The following WDR46 variants were observed in gnomAD, a reference collection of about 807,000 sequenced individuals.
The protein encoded by WDR46 is WD repeat-containing protein 46.
A neutral mutation model predicts 74.7 loss-of-function variants in WDR46; 58 were observed. The ratio of observed to expected loss-of-function variants is 0.78; its 90% CI spans 0.63 to 0.97. The LOEUF (loss-of-function observed/expected upper bound fraction) is 0.97, where lower values mean the gene tolerates loss of function less well. Ranked by LOEUF, WDR46 falls within the 50% of genes least tolerant of loss-of-function variation. The pLI is 0.00. For missense variants in WDR46, 702 were observed against 790.1 expected, an observed-to-expected ratio of 0.89 and a Z score of 1.34; for synonymous variants, 278 against 297.3, an observed-to-expected ratio of 0.93 and a Z score of 0.67.
intron 10 of WDR46, 81 bp from the exon 11 acceptor site, chr6:33,281,068 C>G (rs1001311651): frequency 2.8e-6 from 4 of 1,443,738 alleles, no homozygotes. Context: ...GGCATCAAGT[C>G]TGGCTGGGGA....
chr6:33,287,540 GAGGTCAC>G, intron 7 of WDR46, 35 bp from the exon 8 acceptor site: 1 of 1,613,718 alleles, frequency 6.2e-7, no homozygotes, highest in Non-Finnish European at 8.5e-7. Context: ...ATTGGGAAAT[GAGGTCAC>G]AGGCTATCAT....
rs1766748974 is a variant in WDR46 at position 33,287,345 on chromosome 6, G to A, written c.879+10C>T. On this transcript the variant is annotated intron_variant, in intron 8 of 14. Transcript: ENST00000374617. Reference sequence around the variant, plus strand: ...CTTCCAACCAGTTCCTGAGCTCCATGGCCACTCACAGCTGTAGCCAGGAGG... The same window carrying A: ...CTTCCAACCAGTTCCTGAGCTCCATAGCCACTCACAGCTGTAGCCAGGAGG... 6.2e-7 allele frequency: 1 copy of A among 1,612,800 alleles called. No individual in the cohort carries two copies.
intron 10 of WDR46, among the ~76,000 whole-genome samples, chr6:33,282,299 A>G (rs568660163): frequency 6.6e-6 from 1 of 152,276 alleles, no homozygotes; most frequent in South Asian, 2.1e-4. Flanking sequence ...GACCAGCTGG[A>G]TACTTCCGAC....
chr6:33,288,441 G>A lies in WDR46; in HGVS notation c.390C>T (p.Ser130=), dbSNP rs377145811. The A allele has an allele frequency of 1.2e-6, 2 of 1,614,124 alleles. No individual in the cohort carries two copies. The highest frequency in any genetic ancestry group is 8.5e-7 in the Non-Finnish European group (1 of 1,180,048). Residue 130 remains serine, a synonymous_variant, in exon 4 of 15, where the codon AGC becomes AGT. Coordinates refer to ENST00000374617, the MANE Select transcript of WDR46 (RefSeq NM_005452.6). ...CCTCAGCTTCAGCCACCTCAAGTCG[G>A]CTTCGAGTTTTGGCTTTAGAATGTG... ...KLPHSKAKTR[S]RLEVAEAEEE... is the part of the protein sequence containing the mutation.
chr6:33,286,489 A>G (rs923063547), intron 10 of WDR46, among the ~76,000 whole-genome samples: 1 of 152,190 alleles, frequency 6.6e-6, no homozygotes, highest in African/African-American at 2.4e-5. Context: ...TGGTATTTAA[A>G]TGCCTACATG....
rs552102895 is a variant in WDR46, at chr6:33,287,819, G to C, written c.624-101C>G. On this transcript the variant is annotated intron_variant, in intron 6 of 14. Transcript: ENST00000374617. ...CCAGCCCCATCTCTCCAGGCGGGCA[G>C]ACACATGTTGCTGTAGGTGCTTACC... 9.2e-6 allele frequency: 14 copies of C among 1,523,440 alleles called. No individual in the cohort carries two copies. The Admixed American group carries it at 1.0e-4, about 11-fold the overall frequency. The allele number at this position is 1,523,440 out of a possible 1,614,324, so 94.4% of individuals were successfully genotyped here. A position where few individuals can be genotyped will look rare whatever the true frequency, so the allele number is the denominator to read the frequency against.
In WDR46 at chr6:33,280,375, G is replaced by C. The variant is rs564841610; in HGVS notation, c.1524+53C>G. ...CACCCTCTCCAGGACGGGGGAACCTGACCCTCTCCAGCAATGGGGGGGATC... is the reference window on the plus strand; with the variant it reads ...CACCCTCTCCAGGACGGGGGAACCTCACCCTCTCCAGCAATGGGGGGGATC... On this transcript the variant is annotated intron_variant, in intron 12 of 14. Transcript: ENST00000374617. The C allele has an allele frequency of 9.1e-6, 14 of 1,535,620 alleles. No homozygotes were observed. The African/African-American group carries it at 1.8e-4, about 20-fold the overall frequency.
Position 33,279,223 on chromosome 6 carries a change from C to T in WDR46, c.*53G>A. ...TCCTTGTTCCAGGGAACACTCATTTCCCTACAGGTGATCTTGGGGAGAGAC... is the reference window on the plus strand; with the variant it reads ...TCCTTGTTCCAGGGAACACTCATTTTCCTACAGGTGATCTTGGGGAGAGAC... On this transcript the variant is annotated 3_prime_UTR_variant, in exon 15 of 15. Coordinates refer to ENST00000374617, the MANE Select transcript of WDR46 (RefSeq NM_005452.6). The T allele has an allele frequency of 6.2e-7, 1 of 1,608,922 alleles. No individual in the cohort carries two copies.
At position 33,279,239 on chromosome 6, in the gene WDR46, G is replaced by A. The variant is rs993295518; in HGVS notation, c.*37C>T. 10 of 1,612,514 alleles carry A rather than the reference G, an allele frequency of 6.2e-6. No individual in the cohort carries two copies. Among genetic ancestry groups the A allele is most frequent in the Non-Finnish European group, 7.6e-6 (9 of 1,179,094 alleles). ...CACTCATTTCCCTACAGGTGATCTT[G>A]GGGAGAGACTGTTCCCAGGCAACCC... On this transcript the variant is annotated 3_prime_UTR_variant, in exon 15 of 15. Coordinates refer to ENST00000374617, the MANE Select transcript of WDR46 (RefSeq NM_005452.6).
Position 33,288,651 on chromosome 6 carries a change from A to T in WDR46, c.323T>A (p.Val108Glu), listed in dbSNP as rs776920543. 8.7e-6 allele frequency: 14 copies of T among 1,605,460 alleles called. No individual in the cohort carries two copies. Among genetic ancestry groups the T allele is most frequent in the Non-Finnish European group, 1.2e-5 (14 of 1,175,046 alleles). The change falls in exon 3 of 15, where the codon GTG (valine) becomes GAG (glutamate). Residue 108 changes from valine to glutamate, a missense_variant. Val to Glu is a moderately radical substitution (Grantham distance 121). Transcript: ENST00000374617. ...GTCAATGCGACAGAACTTCTGGACC[A>T]CTTCCACAGGGACGGGGGCGGGGCC... ...FPGPAPVPVE[V>E]VQKFCRIDKS... is the part of the protein sequence containing the mutation.
Position 33,288,653 on chromosome 6 carries a change from T to C in WDR46, c.321A>G (p.Glu107=). Residue 107 remains glutamate (E), a synonymous_variant, in exon 3 of 15, where the codon GAA becomes GAG. Coordinates refer to ENST00000374617, the MANE Select transcript of WDR46 (RefSeq NM_005452.6). ...PFPGPAPVPV[E]VVQKFCRIDK... Reference sequence around the variant, plus strand: ...CAATGCGACAGAACTTCTGGACCACTTCCACAGGGACGGGGGCGGGGCCTG... The same window carrying C: ...CAATGCGACAGAACTTCTGGACCACCTCCACAGGGACGGGGGCGGGGCCTG... The C allele has an allele frequency of 6.2e-7, 1 of 1,600,534 alleles. No individual in the cohort carries two copies. The highest frequency in any genetic ancestry group is 8.5e-7 in the Non-Finnish European group (1 of 1,170,946).
At chr6:33,284,330 A>G (rs551671873) in intron 10 of WDR46, 1 of 153,834 alleles carries the variant, frequency 6.5e-6, no homozygotes, top group Admixed American at 6.5e-5. Context: ...TCAACGATTC[A>G]TCCTTTTGTC....
intron 10 of WDR46, chr6:33,284,830 G>T (rs367580584): frequency 3.3e-5 from 5 of 153,380 alleles, no homozygotes; most frequent in East Asian, 3.8e-4. Flanking sequence ...TTATTGGAAC[G>T]GGGCCACACT....
At chr6:33,283,548 T>C (rs59531270) in intron 10 of WDR46, among the ~76,000 whole-genome samples, 6,785 of 152,264 alleles carry the variant, frequency 0.045, 514 homozygotes, top group African/African-American at 0.15. Context: ...GGCGGTGACC[T>C]ATCCAGTGAT....
intron 10 of WDR46, 73 bp downstream of exon 10, chr6:33,286,722 C>T: frequency 7.0e-7 from 1 of 1,437,290 alleles, no homozygotes; most frequent in Admixed American, 1.8e-5. Flanking sequence ...ACTCTGTGCT[C>T]CTAAAGCACA....
At chr6:33,280,051 A>AACCTCACCTCCAACAGGGGC (rs1765992712) in intron 12 of WDR46, among the ~76,000 whole-genome samples, 192 bp from the exon 13 acceptor site, 1 of 151,854 alleles carries the variant, frequency 6.6e-6, no homozygotes, top group Non-Finnish European at 1.5e-5. Context: ...GCAGCAGGGG[A>AACCTCACCTCCAACAGGGGC]ACCTCACCTC....
intron 6 of WDR46, 76 bp downstream of exon 6, chr6:33,287,889 C>G: frequency 6.3e-7 from 1 of 1,584,942 alleles, no homozygotes; most frequent in Non-Finnish European, 8.7e-7. Context: ...ATCAGCAACC[C>G]AAACATACAC....
chr6:33,283,949 A>G (rs1766403279), intron 10 of WDR46, among the ~76,000 whole-genome samples: 1 of 151,514 alleles, frequency 6.6e-6, no homozygotes, highest in Non-Finnish European at 1.5e-5. Flanking sequence ...TCATTCTCAA[A>G]AACCATAGCC....
chr6:33,288,981 A>G lies in WDR46; in HGVS notation c.102T>C (p.Val34=), dbSNP rs754102020. ...CTGGAGAGGCTCCGGCTGTGGTCGG[A>G]ACGGTCTCTTCCTCCCAGTATCGCC... is the stretch of plus-strand genomic sequence containing the variant. The part of the protein sequence containing the change: ...KPRRYWEEET[V]PTTAGASPGP... Residue 34 remains valine, a synonymous_variant, in exon 2 of 15, where the codon GTT becomes GTC. Transcript: ENST00000374617. 2.4e-5 allele frequency: 38 copies of G among 1,613,988 alleles called. No homozygotes were observed. Among genetic ancestry groups the G allele is most frequent in the Non-Finnish European group, 3.2e-5 (38 of 1,180,006 alleles).
Sources: gnomAD v4.1 joint callset for allele counts (sites outside exome capture counted in the v4.1 genomes callset) on GRCh38, gnomAD v4.1.1 for gene constraint, MANE v1.5 for transcripts, NCBI Gene and HGNC (gene_info 2026-07-23, HGNC 2026-07-21) for gene names.